Variants in GLP2R observed in about 807,000 individuals in gnomAD.
The protein encoded by GLP2R is glucagon like peptide 2 receptor.
Under a neutral mutation model 68.2 loss-of-function variants are expected in GLP2R, and 59 were observed. That is an observed-to-expected ratio of 0.87 (90% CI 0.70 to 1.07). The LOEUF is 1.07. GLP2R is among the 50% of genes least tolerant of loss of function. The pLI, the probability that GLP2R is intolerant of heterozygous loss-of-function variation, is 0.00. For missense variants in GLP2R, 548 were observed against 677.4 expected (o/e 0.81, Z 2.12); for synonymous variants, 270 against 265.4 (o/e 1.02, Z -0.17).
At chr17:9,826,720 G>A (rs903909916) in intron 1 of GLP2R, among the ~76,000 whole-genome samples, 4 of 151,596 alleles carry the variant, frequency 2.6e-5, no homozygotes, top group Non-Finnish European at 5.9e-5. Flanking sequence ...AATGTTGAAC[G>A]CTAATTGTTT....
At chr17:9,837,578 T>TTTAACTCCC (rs2066744674) in intron 3 of GLP2R, among the ~76,000 whole-genome samples, 1 of 152,204 alleles carries the variant, frequency 6.6e-6, no homozygotes, top group Admixed American at 6.5e-5. Context: ...GGTTAGTGTT[T>TTTAACTCCC]TTAACTCCCA....
At chr17:9,878,745 A>T (rs1047514237) in intron 10 of GLP2R, among the ~76,000 whole-genome samples, 7 of 152,128 alleles carry the variant, frequency 4.6e-5, no homozygotes, top group Admixed American at 3.9e-4. Flanking sequence ...CATTGATAAC[A>T]TTGCATCTGA....
chr17:9,846,184 A>G (rs766212877), intron 4 of GLP2R, among the ~76,000 whole-genome samples: 1 of 152,220 alleles, frequency 6.6e-6, no homozygotes, highest in Non-Finnish European at 1.5e-5. Flanking sequence ...GAAGCTTAAT[A>G]CTAACCTATT....
intron 4 of GLP2R, among the ~76,000 whole-genome samples, chr17:9,852,416 G>A (rs1463461492): frequency 6.6e-6 from 1 of 151,994 alleles, no homozygotes; most frequent in Non-Finnish European, 1.5e-5. Context: ...CTTTTTTATG[G>A]CTGCATAGTA....
intron 4 of GLP2R, among the ~76,000 whole-genome samples, chr17:9,849,852 A>T (rs1034940189): frequency 6.6e-6 from 1 of 151,924 alleles, no homozygotes; most frequent in Admixed American, 6.6e-5. Flanking sequence ...TGACCTCGTG[A>T]TCCACCCACC....
At chr17:9,855,611 C>G (rs1376963651) in intron 5 of GLP2R, among the ~76,000 whole-genome samples, 5 of 152,196 alleles carry the variant, frequency 3.3e-5, no homozygotes, top group Admixed American at 6.5e-5. Context: ...AGTGCTTACT[C>G]CTAAGCGCAT....
intron 9 of GLP2R, among the ~76,000 whole-genome samples, chr17:9,870,534 G>C (rs1006363564): frequency 1.3e-5 from 2 of 152,164 alleles, no homozygotes; most frequent in Admixed American, 6.5e-5. Flanking sequence ...GGACTTTGGA[G>C]ATTCAGATGG....
chr17:9,871,721 C>CTTTTTTTTTTT (rs372099240), intron 10 of GLP2R, among the ~76,000 whole-genome samples: 18 of 102,314 alleles, frequency 1.8e-4, no homozygotes, highest in African/African-American at 3.2e-4. Flanking sequence ...TACTTTCTTT[C>CTTTTTTTTTTT]TTTTTTTTTT....
At chr17:9,841,183 ATTTT>A (rs139792270) in intron 3 of GLP2R, among the ~76,000 whole-genome samples, 2 of 144,422 alleles carry the variant, frequency 1.4e-5, no homozygotes, top group African/African-American at 5.1e-5. Context: ...TGCCTAGCTA[ATTTT>A]TTTTTTTTTT....
chr17:9,834,043 T>G, intron 2 of GLP2R, 149 bp downstream of exon 2: 1 of 698,380 alleles, frequency 1.4e-6, no homozygotes, highest in Non-Finnish European at 2.6e-6. Flanking sequence ...TTGTTTCCGC[T>G]CTGTAATGTC....
intron 11 of GLP2R, among the ~76,000 whole-genome samples, chr17:9,886,099 T>A (rs1453639299): frequency 2.0e-5 from 3 of 152,188 alleles, no homozygotes; most frequent in Admixed American, 2.0e-4. Context: ...GGTGGGCAGA[T>A]GTTGGGGGAA....
chr17:9,861,634 T>C (rs1521460), intron 8 of GLP2R, among the ~76,000 whole-genome samples: 61,167 of 151,834 alleles, frequency 0.4, 13,259 homozygotes, highest in African/African-American at 0.56. Flanking sequence ...TGGGAACTTT[T>C]AGGCACTGAT....
chr17:9,831,661 T>C (rs2066680661), intron 1 of GLP2R, among the ~76,000 whole-genome samples: 1 of 152,166 alleles, frequency 6.6e-6, no homozygotes, highest in Non-Finnish European at 1.5e-5. Flanking sequence ...GGGACAAGGA[T>C]GGCTGAGATG....
chr17:9,851,378 T>C (rs1164299503), intron 4 of GLP2R, among the ~76,000 whole-genome samples: 2 of 152,032 alleles, frequency 1.3e-5, no homozygotes, highest in Non-Finnish European at 2.9e-5. Flanking sequence ...CAAAGCATTA[T>C]TGAATAATAC....
intron 5 of GLP2R, 89 bp downstream of exon 5, chr17:9,854,690 T>C (rs752729978): frequency 4.0e-5 from 32 of 805,482 alleles, no homozygotes; most frequent in Non-Finnish European, 6.6e-5. Flanking sequence ...TTCCAGTAGA[T>C]GCCTGAAACC....
At chr17:9,854,182 G>T (rs932852967) in intron 4 of GLP2R, among the ~76,000 whole-genome samples, 1 of 152,200 alleles carries the variant, frequency 6.6e-6, no homozygotes, top group South Asian at 2.1e-4. Flanking sequence ...CATTCCCAAG[G>T]CATCCTCTTG....
At chr17:9,888,369 G>C (rs935011476) in intron 12 of GLP2R, among the ~76,000 whole-genome samples, 1 of 152,230 alleles carries the variant, frequency 6.6e-6, no homozygotes, top group Non-Finnish European at 1.5e-5. Flanking sequence ...TAACATGGGA[G>C]CAACAATCAT....
At chr17:9,849,086 T>G (rs891890192) in intron 4 of GLP2R, among the ~76,000 whole-genome samples, 1 of 151,726 alleles carries the variant, frequency 6.6e-6, no homozygotes, top group Non-Finnish European at 1.5e-5. Flanking sequence ...CATATAATTT[T>G]AATAATACGT....
At chr17:9,839,682 A>C (rs2066766739) in intron 3 of GLP2R, among the ~76,000 whole-genome samples, 1 of 152,032 alleles carries the variant, frequency 6.6e-6, no homozygotes, top group Non-Finnish European at 1.5e-5. Context: ...ACTCCTACAA[A>C]TGGCATGCAA....
Sources: allele counts gnomAD v4.1 joint callset (sites outside exome capture counted in the v4.1 genomes callset), GRCh38; gene constraint gnomAD v4.1.1; transcripts MANE v1.5; gene names NCBI Gene and HGNC (gene_info 2026-07-23, HGNC 2026-07-21).